CDH4: variants seen among roughly 807,000 people sequenced by gnomAD.
The protein encoded by CDH4 is cadherin-4.
CDH4 carries 33 observed loss-of-function variants against 86.0 expected under a neutral mutation model. The observed-to-expected ratio is 0.38, with a 90% CI of 0.29 to 0.51. The LOEUF (loss-of-function observed/expected upper bound fraction) is 0.51. Among genes scored for constraint, CDH4 ranks in the 20% least tolerant of loss-of-function variants. The pLI is 0.86. For missense variants in CDH4, 1,114 were observed against 1,307.4 expected (o/e 0.85, Z 2.28); for synonymous variants, 555 against 549.4 (o/e 1.01, Z -0.14).
rs773329458 is a variant in CDH4, at chr20:61,254,837, G to T, written c.69G>T (p.Glu23Asp). ...CTTTGTGTTCTCAGGCCCATAATGA[G>T]GATCTTACAACTAGAGAGACCTGCA... ...SLSGALRAHN[E>D]DLTTRETCKA... The change falls in exon 2 of 16, where the codon GAG (glutamate) becomes GAT (aspartate). Residue 23 changes from glutamate (E) to aspartate (D), a missense_variant. Glu to Asp is a conservative substitution (Grantham distance 45, BLOSUM62 2). Transcript: ENST00000614565. The T allele has an allele frequency of 7.5e-6, 12 of 1,599,898 alleles. No individual in the cohort carries two copies. The South Asian group carries it at 1.2e-4, about 16-fold the overall frequency.
At chr20:61,632,336 A>G (rs1173555521) in intron 2 of CDH4, among the ~76,000 whole-genome samples, 1 of 152,084 alleles carries the variant, frequency 6.6e-6, no homozygotes, top group African/African-American at 2.4e-5. Flanking sequence ...CACTTATACA[A>G]TACCCACTAT....
chr20:61,314,830 T>G lies in CDH4; in HGVS notation c.169+59893T>G, dbSNP rs115936746. 5.7e-3 allele frequency among the ~76,000 whole-genome samples: 873 copies of G among 152,318 alleles called. 8 individuals are homozygous for G. The highest frequency in any genetic ancestry group is 0.02 in the African/African-American group (813 of 41,568). On this transcript the variant is annotated intron_variant, in intron 2 of 15. Transcript: ENST00000614565. ...TTTTGACAGTAGCCGTCCTAACAAGTGTGCGATGACAGCGCATTGTGGTTT... is the reference window on the plus strand; with the variant it reads ...TTTTGACAGTAGCCGTCCTAACAAGGGTGCGATGACAGCGCATTGTGGTTT...
chr20:61,266,769 C>T (rs1362474448), intron 2 of CDH4, among the ~76,000 whole-genome samples: 1 of 152,180 alleles, frequency 6.6e-6, no homozygotes, highest in South Asian at 2.1e-4. Flanking sequence ...ACTCGCCAGC[C>T]CCGTGGGTCC....
At chr20:61,641,987 A>C (rs1340210650) in intron 2 of CDH4, among the ~76,000 whole-genome samples, 1 of 14,756 alleles carries the variant, frequency 6.8e-5, no homozygotes. Flanking sequence ...CTTTGGGATC[A>C]GACGGGGCTG....
chr20:61,741,713 G>T (rs1225993406), intron 2 of CDH4, among the ~76,000 whole-genome samples: 3 of 151,922 alleles, frequency 2.0e-5, no homozygotes, highest in Admixed American at 2.0e-4. Flanking sequence ...GGATGGTCTC[G>T]ATCCCCTGAC....
chr20:61,381,920 CA>C, intron 2 of CDH4, among the ~76,000 whole-genome samples: 1 of 151,188 alleles, frequency 6.6e-6, no homozygotes, highest in Non-Finnish European at 1.5e-5. Context: ...ACTAAAAATA[CA>C]AAAGATTAGC....
At chr20:61,483,433 C>T (rs1451737647) in intron 2 of CDH4, among the ~76,000 whole-genome samples, 9 of 152,254 alleles carry the variant, frequency 5.9e-5, no homozygotes, top group Middle Eastern at 3.4e-3. Flanking sequence ...CTTGAAGAGA[C>T]GGTTATGGTT....
chr20:61,545,359 G>A (rs1265234559), intron 2 of CDH4, among the ~76,000 whole-genome samples: 2 of 152,260 alleles, frequency 1.3e-5, no homozygotes, highest in African/African-American at 4.8e-5. Flanking sequence ...TGCCGGCCGT[G>A]GGCTGGAACT....
chr20:61,256,596 A>G (rs1235091768), intron 2 of CDH4, among the ~76,000 whole-genome samples: 1 of 152,198 alleles, frequency 6.6e-6, no homozygotes, highest in Non-Finnish European at 1.5e-5. Context: ...CCCTGTGCCC[A>G]GGTGGTGTTC....
chr20:61,454,279 C>CAGCAAAGT (rs1189792646), intron 2 of CDH4, among the ~76,000 whole-genome samples: 1 of 152,114 alleles, frequency 6.6e-6, no homozygotes, highest in Non-Finnish European at 1.5e-5. Flanking sequence ...GACGGGGAGT[C>CAGCAAAGT]AGCAAAGTAA....
intron 4 of CDH4, among the ~76,000 whole-genome samples, chr20:61,789,463 A>T (rs1228960737): frequency 6.6e-6 from 1 of 152,152 alleles, no homozygotes; most frequent in Admixed American, 6.5e-5. Context: ...CACCCACGGG[A>T]TAGGAGGGGC....
At chr20:61,590,877 G>GGC (rs1555811633) in intron 2 of CDH4, among the ~76,000 whole-genome samples, 3 of 7,406 alleles carry the variant, frequency 4.1e-4, no homozygotes, top group African/African-American at 2.3e-3. Context: ...CTAAATCTAT[G>GGC]GGGGGGGGGG....
chr20:61,451,013 C>G (rs961299630), intron 2 of CDH4, among the ~76,000 whole-genome samples: 9 of 151,992 alleles, frequency 5.9e-5, no homozygotes, highest in African/African-American at 1.7e-4. Flanking sequence ...GTCCACAAAC[C>G]TGGATCATAA....
chr20:61,296,340 TGAGA>T (rs1313738507), intron 2 of CDH4, among the ~76,000 whole-genome samples: 1 of 145,476 alleles, frequency 6.9e-6, no homozygotes, highest in Non-Finnish European at 1.5e-5. Context: ...TGTGTGTGTG[TGAGA>T]GAGAGATCGA....
chr20:61,439,685 TCAGA>T (rs1321479529), intron 2 of CDH4, among the ~76,000 whole-genome samples: 6 of 152,218 alleles, frequency 3.9e-5, no homozygotes, highest in Admixed American at 3.3e-4. Flanking sequence ...ACTGTATGAG[TCAGA>T]CAGTCACTGG....
intron 2 of CDH4, among the ~76,000 whole-genome samples, chr20:61,308,389 C>T (rs888626955): frequency 4.6e-5 from 7 of 152,118 alleles, no homozygotes; most frequent in Admixed American, 2.6e-4. Context: ...TAGTGGGATC[C>T]GATGTCTTTT....
chr20:61,771,318 T>C (rs1015305142), intron 3 of CDH4, among the ~76,000 whole-genome samples: 1 of 151,302 alleles, frequency 6.6e-6, no homozygotes, highest in African/African-American at 2.4e-5. Flanking sequence ...GCTCTTTTTC[T>C]ATCCTTTAAA....
intron 2 of CDH4, among the ~76,000 whole-genome samples, chr20:61,679,098 GCACACACGGTGACAAGGGT>G (rs2087478174): frequency 6.6e-6 from 1 of 152,224 alleles, no homozygotes; most frequent in African/African-American, 2.4e-5. Context: ...AGAGCGAACA[GCACACACGGTGACAAGGGT>G]CAGAAATGCT....
intron 2 of CDH4, among the ~76,000 whole-genome samples, chr20:61,485,293 A>G (rs2085589799): frequency 6.6e-6 from 1 of 152,186 alleles, no homozygotes; most frequent in Non-Finnish European, 1.5e-5. Flanking sequence ...TCCACCCTCC[A>G]ACGCTTGGCT....
Sources: allele counts gnomAD v4.1 joint callset (sites outside exome capture counted in the v4.1 genomes callset), GRCh38; gene constraint gnomAD v4.1.1; transcripts MANE v1.5; gene names NCBI Gene and HGNC (gene_info 2026-07-23, HGNC 2026-07-21).